The following MGAT5 variants were observed in gnomAD, a reference collection of about 807,000 sequenced individuals.
The protein encoded by MGAT5 is alpha-1,6-mannosylglycoprotein 6-beta-N-acetylglucosaminyltransferase A.
A neutral mutation model predicts 94.3 loss-of-function variants in MGAT5; 30 were observed. The observed-to-expected ratio is 0.32, with a 90% CI of 0.24 to 0.43. MGAT5 has a LOEUF of 0.43. MGAT5 is among the 20% of genes least tolerant of loss of function. MGAT5 has a pLI of 1.00. For synonymous variants in MGAT5, 310 were observed against 322.9 expected, an observed-to-expected ratio of 0.96 and a Z score of 0.43; for missense variants, 691 against 905.5, an observed-to-expected ratio of 0.76 and a Z score of 3.04.
chr2:134,412,809 C>CGTCCTGCCTGATG (rs1346268631), intron 11 of MGAT5, 60 bp from the exon 12 acceptor site: 3 of 1,589,556 alleles, frequency 1.9e-6, no homozygotes, highest in African/African-American at 1.3e-5. Context: ...TAGGAATGCC[C>CGTCCTGCCTGATG]GTCCTGCCTG....
chr2:134,149,420 T>TAA (rs74513169), intron 1 of MGAT5, among the ~76,000 whole-genome samples: 75 of 147,176 alleles, frequency 5.1e-4, no homozygotes, highest in African/African-American at 1.5e-3. Flanking sequence ...CAAGGGTGAG[T>TAA]AAAAAAAAAA....
At chr2:134,169,190 G>A (rs188074212) in intron 1 of MGAT5, among the ~76,000 whole-genome samples, 1 of 152,228 alleles carries the variant, frequency 6.6e-6, no homozygotes, top group African/African-American at 2.4e-5. Flanking sequence ...TTGTTTGTAG[G>A]GCATTTATAA....
At chr2:134,160,325 C>T (rs1040728549) in intron 1 of MGAT5, among the ~76,000 whole-genome samples, 1 of 152,220 alleles carries the variant, frequency 6.6e-6, no homozygotes, top group Non-Finnish European at 1.5e-5. Flanking sequence ...AGGCGCCTGC[C>T]ACCAGGCCCG....
chr2:134,430,998 T>C (rs1684847602), intron 14 of MGAT5, among the ~76,000 whole-genome samples: 2 of 151,874 alleles, frequency 1.3e-5, no homozygotes, highest in South Asian at 4.2e-4. Flanking sequence ...AATGGTAGAG[T>C]GTATCTGAAG....
At chr2:134,389,465 A>G (rs895290530) in intron 10 of MGAT5, among the ~76,000 whole-genome samples, 9 of 152,002 alleles carry the variant, frequency 5.9e-5, no homozygotes, top group Non-Finnish European at 1.3e-4. Flanking sequence ...TCTCACTTTA[A>G]TTTTTCTAAG....
chr2:134,268,577 C>T lies in MGAT5; in HGVS notation c.242-1809C>T, dbSNP rs916285136. Among the ~76,000 whole-genome samples the T allele has an allele frequency of 6.6e-6, 1 of 152,166 alleles. No individual in the cohort carries two copies. Among genetic ancestry groups the T allele is most frequent in the African/African-American group, 2.4e-5 (1 of 41,440 alleles). ...ACCGCAGAGGAGAGTGCTCTCATGA[C>T]CCCTTGGATAAAGCAGTGAAGCTTT... On this transcript the variant is annotated intron_variant, in intron 1 of 15. Coordinates refer to ENST00000281923, the MANE Select transcript of MGAT5 (RefSeq NM_002410.5). This position sits in a 1 kb window ranked among gnomAD's most constrained non-coding sequence, Gnocchi z 4.1.
intron 1 of MGAT5, among the ~76,000 whole-genome samples, chr2:134,153,518 T>C (rs946412025): frequency 2.0e-5 from 3 of 152,224 alleles, no homozygotes; most frequent in Admixed American, 6.5e-5. Flanking sequence ...GGAGATGCTG[T>C]CTTGTTTAAA....
intron 1 of MGAT5, among the ~76,000 whole-genome samples, chr2:134,146,558 TAA>T (rs11323114): frequency 1.4e-5 from 2 of 147,546 alleles, no homozygotes; most frequent in African/African-American, 4.9e-5. Context: ...GGACCCTATT[TAA>T]AAAAAAAAAA....
chr2:134,242,633 G>A (rs1377829696), intron 1 of MGAT5, among the ~76,000 whole-genome samples: 2 of 152,184 alleles, frequency 1.3e-5, no homozygotes, highest in Non-Finnish European at 2.9e-5. Context: ...TGATTCTATT[G>A]TTTTGGGATT....
At chr2:134,165,289 T>C (rs2105084886) in intron 1 of MGAT5, among the ~76,000 whole-genome samples, 1 of 152,360 alleles carries the variant, frequency 6.6e-6, no homozygotes, top group African/African-American at 2.4e-5. Flanking sequence ...CTAGTGGGGC[T>C]GGCTCATTTG....
At chr2:134,342,332 C>T (rs921211179) in intron 7 of MGAT5, among the ~76,000 whole-genome samples, 4 of 152,142 alleles carry the variant, frequency 2.6e-5, no homozygotes, top group South Asian at 2.1e-4. Context: ...TGAGCAGGGA[C>T]GCTTCCATCC....
intron 1 of MGAT5, among the ~76,000 whole-genome samples, chr2:134,246,742 G>T (rs1459639020): frequency 6.6e-6 from 1 of 152,200 alleles, no homozygotes; most frequent in Non-Finnish European, 1.5e-5. Flanking sequence ...GTTTGGCGGA[G>T]GCCATGTAGT....
intron 1 of MGAT5, among the ~76,000 whole-genome samples, chr2:134,192,876 G>A (rs1029588882): frequency 6.6e-6 from 1 of 151,718 alleles, no homozygotes; most frequent in Non-Finnish European, 1.5e-5. Flanking sequence ...GTATTTTTGT[G>A]ATATATGTGT....
At position 134,383,826 on chromosome 2, in the gene MGAT5, C is replaced by T. The variant is rs548059391; in HGVS notation, c.1381-19162C>T. Among the ~76,000 whole-genome samples the T allele has an allele frequency of 6.6e-5, 10 of 152,026 alleles. No individual in the cohort carries two copies. In the South Asian group the frequency reaches 2.1e-3, roughly 32 times the overall value. ...TCACACCATTCTCCTGCCTCAGGCG[C>T]CCACCACCATGCCCGGCTAATTTTT... On this transcript the variant is annotated intron_variant, in intron 10 of 15. Coordinates refer to ENST00000281923, the MANE Select transcript of MGAT5 (RefSeq NM_002410.5).
intron 1 of MGAT5, among the ~76,000 whole-genome samples, chr2:134,141,624 G>A (rs1686660811): frequency 6.6e-6 from 1 of 152,318 alleles, no homozygotes; most frequent in Admixed American, 6.5e-5. Flanking sequence ...GTGAGTTGCA[G>A]GCAGGGAGGG....
At chr2:134,124,728 C>T (rs1439933016) in intron 1 of MGAT5, among the ~76,000 whole-genome samples, 1 of 152,224 alleles carries the variant, frequency 6.6e-6, no homozygotes, top group Non-Finnish European at 1.5e-5. Flanking sequence ...ACTTCTGTTA[C>T]TAGTAAGAGT....
At chr2:134,295,305 G>A (rs1362079990) in intron 2 of MGAT5, among the ~76,000 whole-genome samples, 1 of 152,162 alleles carries the variant, frequency 6.6e-6, no homozygotes, top group Non-Finnish European at 1.5e-5. Flanking sequence ...ACTGGATTGT[G>A]CTAGAAGTGA....
chr2:134,411,625 G>A (rs1683667560), intron 11 of MGAT5, among the ~76,000 whole-genome samples: 1 of 152,224 alleles, frequency 6.6e-6, no homozygotes, highest in South Asian at 2.1e-4. Flanking sequence ...GCTGTGCTCA[G>A]GGTTGGCCTG....
chr2:134,381,587 CTG>C (rs1681637700), intron 10 of MGAT5, among the ~76,000 whole-genome samples: 1 of 148,178 alleles, frequency 6.7e-6, no homozygotes, highest in Non-Finnish European at 1.5e-5. Flanking sequence ...ATAGCAAGAC[CTG>C]TCTCTAAAAT....
Sources: gnomAD v4.1 joint callset for allele counts (sites outside exome capture counted in the v4.1 genomes callset) on GRCh38, gnomAD v4.1.1 for gene constraint, Gnocchi (gnomAD v3.1) non-coding constraint, MANE v1.5 for transcripts, NCBI Gene and HGNC (gene_info 2026-07-23, HGNC 2026-07-21) for gene names.